ADAMTSL3: variants seen among roughly 807,000 people sequenced by gnomAD.
ADAMTSL3 encodes ADAMTS-like protein 3.
Under a neutral mutation model 201.7 loss-of-function variants are expected in ADAMTSL3, and 128 were observed. The observed-to-expected ratio is 0.63, with a 90% CI of 0.55 to 0.73. The LOEUF (loss-of-function observed/expected upper bound fraction) is 0.73. ADAMTSL3 is among the 30% of genes least tolerant of loss of function. ADAMTSL3 has a pLI of 0.00. For missense variants in ADAMTSL3, 1,990 were observed against 2,119.6 expected, an observed-to-expected ratio of 0.94 and a Z score of 1.20; for synonymous variants, 738 against 748.4, an observed-to-expected ratio of 0.99 and a Z score of 0.23.
intron 7 of ADAMTSL3, among the ~76,000 whole-genome samples, chr15:83,848,541 T>A (rs545223257): frequency 1.3e-5 from 2 of 152,298 alleles, no homozygotes; most frequent in South Asian, 4.1e-4. Flanking sequence ...GTCCAGTGAT[T>A]GCAAAATCAA....
intron 19 of ADAMTSL3, among the ~76,000 whole-genome samples, chr15:83,948,411 T>TACGCACACAC (rs2066696860): frequency 6.9e-6 from 1 of 145,630 alleles, no homozygotes; most frequent in South Asian, 2.2e-4. Context: ...AAAGCTTATT[T>TACGCACACAC]ACACACACAC....
At chr15:83,959,711 T>C (rs2066925692) in intron 19 of ADAMTSL3, among the ~76,000 whole-genome samples, 1 of 152,224 alleles carries the variant, frequency 6.6e-6, no homozygotes, top group Non-Finnish European at 1.5e-5. Context: ...CCACGAGATG[T>C]CTATAGAGGA....
intron 19 of ADAMTSL3, among the ~76,000 whole-genome samples, chr15:83,968,752 A>C (rs1333473925): frequency 6.6e-6 from 1 of 152,218 alleles, no homozygotes; most frequent in Non-Finnish European, 1.5e-5. Flanking sequence ...AAGACTTGGA[A>C]CCAACCCAAA....
intron 5 of ADAMTSL3, among the ~76,000 whole-genome samples, chr15:83,814,750 T>C (rs1207120585): frequency 6.6e-6 from 1 of 152,176 alleles, no homozygotes; most frequent in African/African-American, 2.4e-5. Flanking sequence ...CAATATTATT[T>C]CTCCTGAGTC....
Position 83,787,135 on chromosome 15 carries a change from C to T in ADAMTSL3, c.317+13485C>T, listed in dbSNP as rs544311482. Among the ~76,000 whole-genome samples the T allele has an allele frequency of 2.6e-5, 4 of 152,240 alleles. No homozygotes were observed. In the East Asian group the frequency reaches 7.7e-4, roughly 29 times the overall value. Reference sequence around the variant, plus strand: ...TTTGAGTCCTCATTTCTTCCTTTTGCATTCATTGGCAATTCTCACTCTTTA... The same window carrying T: ...TTTGAGTCCTCATTTCTTCCTTTTGTATTCATTGGCAATTCTCACTCTTTA... On this transcript the variant is annotated intron_variant, in intron 4 of 29. Transcript: ENST00000286744.
chr15:83,767,265 A>G (rs1301180359), intron 3 of ADAMTSL3, among the ~76,000 whole-genome samples: 2 of 152,198 alleles, frequency 1.3e-5, no homozygotes, highest in Non-Finnish European at 2.9e-5. Flanking sequence ...CTGTGCATTA[A>G]TAATGGTTAA....
At chr15:83,697,966 T>A (rs1031209880) in intron 2 of ADAMTSL3, among the ~76,000 whole-genome samples, 2 of 152,010 alleles carry the variant, frequency 1.3e-5, no homozygotes, top group Non-Finnish European at 2.9e-5. Context: ...CAAAAGATGC[T>A]TCTAGCACCC....
intron 2 of ADAMTSL3, among the ~76,000 whole-genome samples, chr15:83,703,098 G>A (rs531897876): frequency 1.3e-5 from 2 of 152,152 alleles, no homozygotes; most frequent in South Asian, 2.1e-4. Context: ...AAATTTGACC[G>A]CCCCACTAGA....
intron 19 of ADAMTSL3, among the ~76,000 whole-genome samples, chr15:83,944,062 G>A (rs1436098696): frequency 6.6e-6 from 1 of 152,112 alleles, no homozygotes; most frequent in Non-Finnish European, 1.5e-5. Flanking sequence ...GGAGCGAGAT[G>A]GTGAGAGATT....
chr15:83,853,293 A>T (rs2141752629), intron 7 of ADAMTSL3, among the ~76,000 whole-genome samples: 1 of 152,130 alleles, frequency 6.6e-6, no homozygotes, highest in East Asian at 1.9e-4. Context: ...TTTAATATTA[A>T]TTTCTTCTTG....
At chr15:83,960,463 T>A (rs1398718121) in intron 19 of ADAMTSL3, among the ~76,000 whole-genome samples, 3 of 152,214 alleles carry the variant, frequency 2.0e-5, no homozygotes, top group Non-Finnish European at 4.4e-5. Context: ...AGGCCTGTTC[T>A]AGTTCTTTGA....
intron 6 of ADAMTSL3, among the ~76,000 whole-genome samples, chr15:83,820,434 A>T (rs895679291): frequency 6.6e-6 from 1 of 152,146 alleles, no homozygotes. Context: ...AGGGCTTGTG[A>T]TAACAGAGTG....
chr15:83,770,980 C>G (rs971016900), intron 3 of ADAMTSL3, among the ~76,000 whole-genome samples: 2 of 152,024 alleles, frequency 1.3e-5, no homozygotes, highest in African/African-American at 4.8e-5. Flanking sequence ...GCCAGGAGAA[C>G]TGCTTGAACC....
chr15:83,709,916 A>G lies in ADAMTSL3; in HGVS notation c.189+5408A>G, dbSNP rs548574435. 6.4e-4 allele frequency among the ~76,000 whole-genome samples: 97 copies of G among 152,126 alleles called. 1 individual carries two copies. The highest frequency in any genetic ancestry group is 1.1e-3 in the Non-Finnish European group (73 of 68,034). Reference sequence around the variant, plus strand: ...ATTAAGCACGAGCAGTAGGTGACTTAGAAATTGGGCCTCATGCACACTTTC... The same window carrying G: ...ATTAAGCACGAGCAGTAGGTGACTTGGAAATTGGGCCTCATGCACACTTTC... On this transcript the variant is annotated intron_variant, in intron 3 of 29. Coordinates refer to ENST00000286744, the MANE Select transcript of ADAMTSL3 (RefSeq NM_207517.3).
intron 4 of ADAMTSL3, among the ~76,000 whole-genome samples, chr15:83,774,396 T>C (rs1431467870): frequency 6.6e-6 from 1 of 152,248 alleles, no homozygotes; most frequent in African/African-American, 2.4e-5. Context: ...GGAGAGCATA[T>C]TTTGGCTGGA....
Position 83,838,235 on chromosome 15 carries a change from C to T in ADAMTSL3, c.727+20C>T, listed in dbSNP as rs373132425. ...AAAAAAGTAGGTTTTAAACCCAATA[C>T]GTTATTACCATCATACAAGATATAT... is the stretch of plus-strand genomic sequence containing the variant. On this transcript the variant is annotated intron_variant, in intron 7 of 29. Coordinates refer to ENST00000286744, the MANE Select transcript of ADAMTSL3 (RefSeq NM_207517.3). 3.0e-5 allele frequency: 48 copies of T among 1,608,326 alleles called. 1 individual carries two copies. The Admixed American group carries it at 6.4e-4, about 21-fold the overall frequency.
Position 83,913,218 on chromosome 15 carries a change from T to C in ADAMTSL3, c.1827T>C (p.Cys609=), listed in dbSNP as rs1461774634. 3 of 1,613,904 alleles carry C rather than the reference T, an allele frequency of 1.9e-6. No homozygotes were observed. The highest frequency in any genetic ancestry group is 2.5e-6 in the Non-Finnish European group (3 of 1,180,004). Reference sequence around the variant, plus strand: ...AGACTGAGCTGCCCGAGGAAGAGTGTGAAGGCCCCAAGCTGCCCACCGAAC... The same window carrying C: ...AGACTGAGCTGCCCGAGGAAGAGTGCGAAGGCCCCAAGCTGCCCACCGAAC... ...QTETELPEEE[C]EGPKLPTERP... Residue 609 remains cysteine (C), a synonymous_variant, in exon 16 of 30, where the codon TGT becomes TGC. Coordinates refer to ENST00000286744, the MANE Select transcript of ADAMTSL3 (RefSeq NM_207517.3).
chr15:83,924,436 G>C (rs2066211381), intron 17 of ADAMTSL3, among the ~76,000 whole-genome samples: 1 of 152,138 alleles, frequency 6.6e-6, no homozygotes, highest in Admixed American at 6.5e-5. Context: ...ATCCATATTT[G>C]TTGAGTGACT....
In ADAMTSL3 at chr15:83,982,319, G is replaced by A; in HGVS notation, c.2691G>A (p.Gln897=). 1 of 1,613,498 alleles carries A rather than the reference G, an allele frequency of 6.2e-7. No homozygotes were observed. Among genetic ancestry groups the A allele is most frequent in the Non-Finnish European group, 8.5e-7 (1 of 1,179,688 alleles). ...CAAAACTTGGTGAGCAGGGTCCGCA[G>A]ATCCTCAGTGTCCAGAGAGTCTACA... The part of the protein sequence containing the change: ...MKTKLGEQGP[Q]ILSVQRVYIQ... The change falls in exon 21 of 30, where the codon CAG becomes CAA. Residue 897 remains glutamine, a synonymous_variant. Transcript: ENST00000286744.
Sources: gnomAD v4.1 joint callset for allele counts (sites outside exome capture counted in the v4.1 genomes callset) on GRCh38, gnomAD v4.1.1 for gene constraint, MANE v1.5 for transcripts, NCBI Gene and HGNC (gene_info 2026-07-23, HGNC 2026-07-21) for gene names.